The following PLCB4 variants were observed in gnomAD, a reference collection of about 807,000 sequenced individuals.
PLCB4 encodes 1-phosphatidylinositol 4,5-bisphosphate phosphodiesterase beta-4.
PLCB4 carries 77 observed loss-of-function variants against 178.8 expected under a neutral mutation model. The observed-to-expected ratio is 0.43, with a 90% confidence interval of 0.36 to 0.52. PLCB4 has a LOEUF of 0.52. PLCB4 is among the 20% of genes least tolerant of loss of function. PLCB4 has a pLI of 0.00. For missense variants in PLCB4, 1,024 were observed against 1,453.4 expected, an observed-to-expected ratio of 0.70 and a Z score of 4.80; for synonymous variants, 496 against 490.8, an observed-to-expected ratio of 1.01 and a Z score of -0.14.
At chr20:9,382,100 A>G (rs1053570285) in intron 13 of PLCB4, among the ~76,000 whole-genome samples, 2 of 152,194 alleles carry the variant, frequency 1.3e-5, no homozygotes, top group South Asian at 2.1e-4. Context: ...TGTTCCTTTC[A>G]AAGCCTATAA....
At chr20:9,435,320 A>G (rs1302629309) in intron 28 of PLCB4, among the ~76,000 whole-genome samples, 1 of 152,218 alleles carries the variant, frequency 6.6e-6, no homozygotes, top group Non-Finnish European at 1.5e-5. Flanking sequence ...ATATCAGGAA[A>G]AACTTTGTAT....
At chr20:9,382,762 A>G (rs1459102687) in intron 13 of PLCB4, among the ~76,000 whole-genome samples, 2 of 152,150 alleles carry the variant, frequency 1.3e-5, no homozygotes, top group African/African-American at 2.4e-5. Context: ...CCTCTTTGAC[A>G]TTATATTTAT....
At chr20:9,444,379 A>T in intron 32 of PLCB4, 136 bp downstream of exon 32, 1 of 600,640 alleles carries the variant, frequency 1.7e-6, no homozygotes, top group African/African-American at 1.9e-5. Flanking sequence ...AAATTAAAAA[A>T]TAGAATCGGT....
intron 7 of PLCB4, among the ~76,000 whole-genome samples, chr20:9,344,170 T>C (rs1166666662): frequency 6.6e-6 from 1 of 152,158 alleles, no homozygotes; most frequent in Admixed American, 6.5e-5. Context: ...CTCTCTTTCC[T>C]CCTACGCATT....
At chr20:9,376,948 A>C (rs2036727599) in intron 12 of PLCB4, among the ~76,000 whole-genome samples, 1 of 152,178 alleles carries the variant, frequency 6.6e-6, no homozygotes, top group East Asian at 1.9e-4. Context: ...AGATGAAAGA[A>C]TATTTTAAAA....
chr20:9,421,542 G>C, intron 27 of PLCB4, 81 bp downstream of exon 27: 1 of 1,087,480 alleles, frequency 9.2e-7, no homozygotes, highest in Non-Finnish European at 1.4e-6. Context: ...ACGATACAGG[G>C]GCACTTATTC....
intron 4 of PLCB4, among the ~76,000 whole-genome samples, chr20:9,334,396 T>C (rs1015293661): frequency 2.0e-5 from 3 of 152,142 alleles, no homozygotes; most frequent in Non-Finnish European, 2.9e-5. Context: ...TTCTAAGATA[T>C]TATGTCCTGA....
chr20:9,265,196 CTGGGGA>C (rs2094336968), intron 3 of PLCB4, among the ~76,000 whole-genome samples: 1 of 152,028 alleles, frequency 6.6e-6, no homozygotes, highest in Non-Finnish European at 1.5e-5. Flanking sequence ...GATGACGAGG[CTGGGGA>C]CTGGGCGTGG....
chr20:9,443,378 G>A (rs1018225616), intron 30 of PLCB4, among the ~76,000 whole-genome samples: 10 of 152,198 alleles, frequency 6.6e-5, no homozygotes, highest in Non-Finnish European at 1.5e-4. Context: ...ATACTTTTGT[G>A]CCTGATCAGC....
At chr20:9,236,441 C>T (rs779748968) in intron 3 of PLCB4, among the ~76,000 whole-genome samples, 10 of 152,174 alleles carry the variant, frequency 6.6e-5, no homozygotes, top group Non-Finnish European at 1.3e-4. Context: ...CTTTTGTGTG[C>T]GTGTGTTTTT....
Position 9,280,656 on chromosome 20 carries a change from C to A in PLCB4, c.-15-27144C>A, listed in dbSNP as rs867463609. 2.8e-4 allele frequency among the ~76,000 whole-genome samples: 42 copies of A among 152,016 alleles called. 1 individual carries two copies. The highest frequency in any genetic ancestry group is 6.2e-4 in the South Asian group (3 of 4,820). On this transcript the variant is annotated intron_variant, in intron 3 of 39. Transcript: ENST00000378473. ...TATTGATTTTGTACTATGAACCTAG[C>A]CTGCTTTGCATCAGCTCTTCTTGTC...
At chr20:9,074,048 A>C (rs143736073) in intron 1 of PLCB4, among the ~76,000 whole-genome samples, 3 of 152,092 alleles carry the variant, frequency 2.0e-5, no homozygotes, top group Non-Finnish European at 2.9e-5. Context: ...GTGGGTTTGC[A>C]TTGAGCAGTG....
intron 9 of PLCB4, among the ~76,000 whole-genome samples, chr20:9,366,384 G>C (rs1390879327): frequency 7.7e-6 from 1 of 130,168 alleles, no homozygotes; most frequent in Non-Finnish European, 1.6e-5. Context: ...GTGACAGAGT[G>C]AGACTCCATC....
intron 34 of PLCB4, 80 bp from the exon 35 acceptor site, chr20:9,459,553 AAT>A: frequency 1.0e-6 from 1 of 991,438 alleles, no homozygotes; most frequent in Non-Finnish European, 1.5e-6. Flanking sequence ...AGGAACCTGA[AAT>A]ACCTGAATAA....
chr20:9,176,691 C>T (rs1458528245), intron 2 of PLCB4, among the ~76,000 whole-genome samples: 2 of 152,128 alleles, frequency 1.3e-5, no homozygotes, highest in African/African-American at 4.8e-5. Flanking sequence ...AAAATTCCAA[C>T]CCATGAGCAT....
At chr20:9,078,356 C>CTCTTTTCTTT (rs10626082) in intron 1 of PLCB4, among the ~76,000 whole-genome samples, 2 of 151,186 alleles carry the variant, frequency 1.3e-5, no homozygotes, top group African/African-American at 4.9e-5. Context: ...TTCTTTTCTT[C>CTCTTTTCTTT]TCTTTTCTTT....
At chr20:9,139,962 G>T (rs1341767654) in intron 2 of PLCB4, among the ~76,000 whole-genome samples, 1 of 152,092 alleles carries the variant, frequency 6.6e-6, no homozygotes, top group African/African-American at 2.4e-5. Flanking sequence ...TTATTTGAGA[G>T]AATGCTCTGT....
Position 9,340,943 on chromosome 20 carries a change from C to T in PLCB4, c.369+1906C>T, listed in dbSNP as rs535660782. ...GACAGAGGCCAAGAATTTTAGAGTT[C>T]GAAATGGACCTTAGGAAGGGCTTCT... On this transcript the variant is annotated intron_variant, in intron 7 of 39. Coordinates refer to ENST00000378473, the MANE Select transcript of PLCB4 (RefSeq NM_001377142.1). 4.6e-5 allele frequency among the ~76,000 whole-genome samples: 7 copies of T among 152,048 alleles called. No individual in the cohort carries two copies. The South Asian group carries it at 1.2e-3, about 27-fold the overall frequency.
intron 3 of PLCB4, among the ~76,000 whole-genome samples, chr20:9,266,095 C>CA (rs1247226485): frequency 6.6e-6 from 1 of 152,198 alleles, no homozygotes; most frequent in African/African-American, 2.4e-5. Flanking sequence ...GAAATGTTGG[C>CA]AAGCAGCTTC....
Sources: gnomAD v4.1 joint callset for allele counts (sites outside exome capture counted in the v4.1 genomes callset) on GRCh38, gnomAD v4.1.1 for gene constraint, MANE v1.5 for transcripts, NCBI Gene and HGNC (gene_info 2026-07-23, HGNC 2026-07-21) for gene names.